FILIP1L: variants seen among roughly 807,000 people sequenced by gnomAD.
FILIP1L encodes filamin A-interacting protein 1-like.
Under a neutral mutation model 96.6 loss-of-function variants are expected in FILIP1L, and 55 were observed. That is an observed-to-expected ratio of 0.57 (90% confidence interval 0.46 to 0.71). FILIP1L has a LOEUF of 0.71. Among genes scored for constraint, FILIP1L ranks in the 30% least tolerant of loss-of-function variants. The pLI is 0.00. For missense variants in FILIP1L, 1,304 were observed against 1,321.2 expected, an observed-to-expected ratio of 0.99 and a Z score of 0.20; for synonymous variants, 467 against 473.9, an observed-to-expected ratio of 0.99 and a Z score of 0.19.
chr3:99,835,133 T>C (rs966295246), intron 5 of FILIP1L, among the ~76,000 whole-genome samples: 4 of 152,188 alleles, frequency 2.6e-5, no homozygotes, highest in Non-Finnish European at 5.9e-5. Context: ...TTCCTCTCTC[T>C]CCAATTATTT....
intron 1 of FILIP1L, among the ~76,000 whole-genome samples, chr3:100,021,915 T>TTGTG (rs61704772): frequency 0.012 from 1,267 of 105,884 alleles, 11 homozygotes; most frequent in African/African-American, 0.034. Context: ...CTAGATCCCA[T>TTGTG]TGTGTGTGTG....
intron 1 of FILIP1L, among the ~76,000 whole-genome samples, chr3:100,058,845 G>A (rs1223135975): frequency 6.6e-6 from 1 of 152,204 alleles, no homozygotes; most frequent in East Asian, 1.9e-4. Flanking sequence ...TTAAAATAAA[G>A]TTTAGTAGTT....
intron 4 of FILIP1L, among the ~76,000 whole-genome samples, chr3:99,875,711 A>G (rs958749699): frequency 6.6e-6 from 1 of 152,190 alleles, no homozygotes; most frequent in African/African-American, 2.4e-5. Flanking sequence ...TTGAGTCCGG[A>G]GGAGAGATAG....
intron 4 of FILIP1L, among the ~76,000 whole-genome samples, chr3:99,859,670 G>A (rs541990473): frequency 6.6e-6 from 1 of 152,050 alleles, no homozygotes; most frequent in African/African-American, 2.4e-5. Context: ...TAACTGTGTT[G>A]CGTTGATAGT....
At chr3:99,911,280 C>T (rs1238054456) in intron 4 of FILIP1L, among the ~76,000 whole-genome samples, 1 of 149,350 alleles carries the variant, frequency 6.7e-6, no homozygotes, top group Non-Finnish European at 1.5e-5. Flanking sequence ...GTGTTTTGCT[C>T]GTAATAGTTT....
chr3:99,904,988 G>A, intron 4 of FILIP1L, among the ~76,000 whole-genome samples: 1 of 150,714 alleles, frequency 6.6e-6, no homozygotes, highest in Non-Finnish European at 1.5e-5. Context: ...AGAGGTCATT[G>A]GTGGCATCCT....
In FILIP1L at chr3:99,933,327, C is replaced by G. The variant is rs189159378; in HGVS notation, c.-10-2297G>C. On this transcript the variant is annotated intron_variant, in intron 1 of 5. Transcript: ENST00000477258. ...GTGACAGTAGTTGTCACTGGCTCTTCCCTAGGTAGCCAGGGAAAGGCTCAT... is the reference window on the plus strand; with the variant it reads ...GTGACAGTAGTTGTCACTGGCTCTTGCCTAGGTAGCCAGGGAAAGGCTCAT... Among the ~76,000 whole-genome samples the G allele has an allele frequency of 2.7e-4, 41 of 152,158 alleles. No homozygotes were observed. The East Asian group carries it at 6.9e-3, about 26-fold the overall frequency.
chr3:99,885,427 A>C (rs1421024875), intron 4 of FILIP1L, among the ~76,000 whole-genome samples: 1 of 152,224 alleles, frequency 6.6e-6, no homozygotes, highest in African/African-American at 2.4e-5. Context: ...TATGCCCCTT[A>C]GAGTTATAAT....
rs1231858327 is a variant in FILIP1L, at chr3:99,841,555, C to T, written c.3381+6740G>A. On this transcript the variant is annotated intron_variant, in intron 5 of 5. Transcript: ENST00000477258. ...CAAAAGCCTCAGGAATGGCTGAGGA[C>T]GAGGTAGGCTTTGTAGGTCTGTAGG... 1.8e-4 allele frequency among the ~76,000 whole-genome samples: 28 copies of T among 152,236 alleles called. 1 individual carries two copies. Among genetic ancestry groups the T allele is most frequent in the African/African-American group, 4.8e-5 (2 of 41,550 alleles).
At chr3:99,943,301 C>G (rs1287343414) in intron 1 of FILIP1L, among the ~76,000 whole-genome samples, 1 of 152,044 alleles carries the variant, frequency 6.6e-6, no homozygotes, top group Non-Finnish European at 1.5e-5. Flanking sequence ...ATGTGTCAGC[C>G]CTGACACTTT....
At chr3:100,069,403 G>A (rs1189805434) in intron 1 of FILIP1L, among the ~76,000 whole-genome samples, 1 of 152,050 alleles carries the variant, frequency 6.6e-6, no homozygotes, top group Non-Finnish European at 1.5e-5. Context: ...CCCACATAAT[G>A]CTCACCTGCT....
chr3:99,838,997 A>G (rs926424481), intron 5 of FILIP1L, among the ~76,000 whole-genome samples: 2 of 151,938 alleles, frequency 1.3e-5, no homozygotes, highest in Admixed American at 6.6e-5. Context: ...TCCACATTGC[A>G]CTGCTCACTG....
chr3:100,020,760 C>CTTTTTTTTT lies in FILIP1L; in HGVS notation c.-10-89739_-10-89731dup, dbSNP rs34665880. Among the ~76,000 whole-genome samples, 15 of 71,006 alleles carry CTTTTTTTTT rather than the reference C, an allele frequency of 2.1e-4. 1 individual carries two copies. Among genetic ancestry groups the CTTTTTTTTT allele is most frequent in the Non-Finnish European group, 2.7e-4 (11 of 41,160 alleles). The allele number at this position is 71,006 out of a possible 152,430, so 46.6% of individuals were successfully genotyped here. On this transcript the variant is annotated intron_variant, in intron 1 of 5. Transcript: ENST00000477258. ...TTTTTAGAAAGTAATGAATAATTAG[C>CTTTTTTTTT]TTTTTTTTTTTTTTTTTTTTTTTTT...
At chr3:100,014,874 C>CTTTTTTTTTTT (rs200759774) in intron 1 of FILIP1L, among the ~76,000 whole-genome samples, 48 of 28,198 alleles carry the variant, frequency 1.7e-3, no homozygotes, top group African/African-American at 2.1e-3. Flanking sequence ...TTTTTCTTTT[C>CTTTTTTTTTTT]TTTTTTTTTT....
intron 1 of FILIP1L, among the ~76,000 whole-genome samples, chr3:99,964,064 A>G (rs893715855): frequency 6.6e-6 from 1 of 151,994 alleles, no homozygotes; most frequent in Admixed American, 6.5e-5. Context: ...GAACATAATA[A>G]TTGTTATGTG....
intron 1 of FILIP1L, among the ~76,000 whole-genome samples, chr3:100,087,099 C>T (rs1015181409): frequency 4.6e-5 from 7 of 152,126 alleles, no homozygotes; most frequent in South Asian, 2.1e-4. Flanking sequence ...AATCCAATTA[C>T]GAGTTGAAGG....
intron 4 of FILIP1L, among the ~76,000 whole-genome samples, chr3:99,875,736 A>G (rs1705478590): frequency 1.3e-5 from 2 of 152,152 alleles, no homozygotes; most frequent in Non-Finnish European, 2.9e-5. Context: ...GCTGCAGTAC[A>G]ATATAGTCTC....
At chr3:100,101,067 G>A (rs2066296835) in intron 1 of FILIP1L, among the ~76,000 whole-genome samples, 2 of 152,124 alleles carry the variant, frequency 1.3e-5, no homozygotes, top group Admixed American at 6.6e-5. Context: ...GACCACTTTT[G>A]TACCTGGGGG....
chr3:100,110,044 G>A (rs2066464977), intron 1 of FILIP1L: 1 of 151,448 alleles, frequency 6.6e-6, no homozygotes, highest in Non-Finnish European at 1.5e-5. Flanking sequence ...AATAGAACCA[G>A]CCCGAAGATA....
Sources: allele counts gnomAD v4.1 joint callset (sites outside exome capture counted in the v4.1 genomes callset), GRCh38; gene constraint gnomAD v4.1.1; transcripts MANE v1.5; gene names NCBI Gene and HGNC (gene_info 2026-07-23, HGNC 2026-07-21).